The following RAD54L variants were observed in gnomAD, a reference collection of about 807,000 sequenced individuals.
RAD54L encodes the protein DNA repair and recombination protein RAD54-like.
A neutral mutation model predicts 91.6 loss-of-function variants in RAD54L; 74 were observed. That is an observed-to-expected ratio of 0.81 (90% CI 0.67 to 0.98). RAD54L has a LOEUF of 0.98. Among genes scored for constraint, RAD54L ranks in the 50% least tolerant of loss-of-function variants. The probability of loss-of-function intolerance (pLI) is 0.00; values close to 1 mark genes in which losing one functional copy is unlikely to be tolerated. For synonymous variants in RAD54L, 304 were observed against 349.7 expected (o/e 0.87, Z 1.46); for missense variants, 887 against 945.7 (o/e 0.94, Z 0.81).
chr1:46,250,372 A>T (rs1185038025), intron 3 of RAD54L, among the ~76,000 whole-genome samples: 1 of 152,214 alleles, frequency 6.6e-6, no homozygotes, highest in Non-Finnish European at 1.5e-5. Context: ...GGGTAAAGGA[A>T]CTAGGATCCT....
At position 46,256,867 on chromosome 1, in the gene RAD54L, G is replaced by A. The variant is rs750522753; in HGVS notation, c.211-1819G>A. 2.6e-4 allele frequency among the ~76,000 whole-genome samples: 40 copies of A among 151,954 alleles called. 1 individual carries two copies. The Middle Eastern group carries it at 0.034, about 129-fold the overall frequency. On this transcript the variant is annotated intron_variant, in intron 3 of 17. Coordinates refer to ENST00000371975, the MANE Select transcript of RAD54L (RefSeq NM_003579.4). ...TAAATTTAAAGTACATTTGAGGCCA[G>A]GTGTGATGGCTCATGCCTATAATCC...
chr1:46,272,671 G>A lies in RAD54L; in HGVS notation c.1245-1G>A, dbSNP rs759647251. On this transcript the variant is annotated splice_acceptor_variant, in intron 11 of 17. Coordinates refer to ENST00000371975, the MANE Select transcript of RAD54L (RefSeq NM_003579.4). LOFTEE classifies it high-confidence loss of function. ...TCCACTGACCCAGCTGCCTTTTTTA[G>A]GCTGACACCCCTTCAGACTGAGTTA... The A allele has an allele frequency of 1.9e-6, 3 of 1,614,002 alleles. No individual in the cohort carries two copies. Among genetic ancestry groups the A allele is most frequent in the African/African-American group, 1.3e-5 (1 of 74,904 alleles).
Position 46,260,536 on chromosome 1 carries a change from T to C in RAD54L, c.408-6T>C. The C allele has an allele frequency of 1.9e-6, 3 of 1,613,786 alleles. No individual in the cohort carries two copies. The highest frequency in any genetic ancestry group is 2.2e-5 in the East Asian group (1 of 44,884). ...GCACGCTGTTTTCTTTGCTGTGTTT[T>C]CTCAGGGAGAAACTCCCTGTCCATG... is the stretch of plus-strand genomic sequence containing the variant. On this transcript the variant is annotated splice_polypyrimidine_tract_variant and splice_region_variant and intron_variant, in intron 5 of 17. Transcript: ENST00000371975.
At chr1:46,248,793 A>C (rs1282140147) in intron 2 of RAD54L, among the ~76,000 whole-genome samples, 195 bp downstream of exon 2, 4 of 152,236 alleles carry the variant, frequency 2.6e-5, no homozygotes, top group Non-Finnish European at 5.9e-5. Context: ...AGTCACTAGA[A>C]GCTAATATAG....
At chr1:46,264,306 A>G (rs1168778021) in intron 8 of RAD54L, among the ~76,000 whole-genome samples, 2 of 152,208 alleles carry the variant, frequency 1.3e-5, no homozygotes, top group Non-Finnish European at 2.9e-5. Flanking sequence ...CCAGGGAAGG[A>G]GAGGGTTTGT....
chr1:46,272,584 C>G lies in RAD54L; in HGVS notation c.1244+44C>G, dbSNP rs1660465297. 3 of 1,610,428 alleles carry G rather than the reference C, an allele frequency of 1.9e-6. No homozygotes were observed. The South Asian group carries it at 3.3e-5, about 18-fold the overall frequency. Reference sequence around the variant, plus strand: ...AGATGTGGAGTGGGTCAAAGCCTAGCTCCTGAAGCATGGCTGGGCTCTCAA... The same window carrying G: ...AGATGTGGAGTGGGTCAAAGCCTAGGTCCTGAAGCATGGCTGGGCTCTCAA... On this transcript the variant is annotated intron_variant, in intron 11 of 17. Coordinates refer to ENST00000371975, the MANE Select transcript of RAD54L (RefSeq NM_003579.4).
intron 5 of RAD54L, 48 bp from the exon 6 acceptor site, chr1:46,260,494 C>G (rs200522718): frequency 4.3e-5 from 68 of 1,574,000 alleles, no homozygotes; most frequent in Non-Finnish European, 5.2e-5. Context: ...TGAGGGTGCT[C>G]CCTTGCCCAT....
At position 46,260,051 on chromosome 1, in the gene RAD54L, T is replaced by C. The variant is rs1210724853; in HGVS notation, c.359T>C (p.Leu120Pro). The change falls in exon 5 of 18, where the codon CTG becomes CCG. Residue 120 changes from leucine (L) to proline (P), a missense_variant. Physicochemically the swap from Leu to Pro is moderately conservative, Grantham distance 98. Transcript: ENST00000371975. ...CCCCTGGAAAAAGATGCCTTGGTTCTGTATGAGCCTCCCCCGCTGAGCGCT... is the reference window on the plus strand; with the variant it reads ...CCCCTGGAAAAAGATGCCTTGGTTCCGTATGAGCCTCCCCCGCTGAGCGCT... The part of the protein sequence containing the change: ...HDPLEKDALV[L>P]YEPPPLSAHD... 6.2e-7 allele frequency: 1 copy of C among 1,614,234 alleles called. No individual in the cohort carries two copies. Among genetic ancestry groups the C allele is most frequent in the Admixed American group, 1.7e-5 (1 of 60,030 alleles).
Position 46,250,064 on chromosome 1 carries a change from G to C in RAD54L, c.155G>C (p.Arg52Pro). 1.2e-6 allele frequency: 2 copies of C among 1,614,086 alleles called. No individual in the cohort carries two copies. Among genetic ancestry groups the C allele is most frequent in the Non-Finnish European group, 1.7e-6 (2 of 1,180,024 alleles). ...CAGGAGTGTTTCCTGTCTCCTTTTC[G>C]GAAACCTTTGAGTCAGCTAACCAAT... ...QIQECFLSPF[R>P]KPLSQLTNQP... The change falls in exon 3 of 18, where the codon CGG (arginine) becomes CCG (proline). Residue 52 changes from arginine (R) to proline (P), a missense_variant. Arg to Pro is a moderately radical substitution (Grantham distance 103). Transcript: ENST00000371975.
Position 46,260,810 on chromosome 1 carries a change from A to G in RAD54L, c.561A>G (p.Leu187=), listed in dbSNP as rs1333622995. The G allele has an allele frequency of 2.5e-6, 4 of 1,614,256 alleles. No homozygotes were observed. The South Asian group carries it at 4.4e-5, about 18-fold the overall frequency. ...HGCIMADEMG[L]GKTLQCITLM... is the part of the protein sequence containing the mutation. ...GCATCATGGCTGATGAGATGGGCCT[A>G]GGAAAGACGCTGCAGTGCATCACAT... Residue 187 remains leucine (L), a synonymous_variant, in exon 7 of 18, where the codon CTA becomes CTG. Transcript: ENST00000371975.
chr1:46,274,060 A>T (rs1008572933), intron 14 of RAD54L, 78 bp from the exon 15 acceptor site: 73 of 1,409,824 alleles, frequency 5.2e-5, no homozygotes, highest in Admixed American at 9.0e-5. Context: ...GGGTCTTTTT[A>T]AAAAAATTTT....
intron 3 of RAD54L, among the ~76,000 whole-genome samples, chr1:46,257,058 T>C (rs1659961424): frequency 1.3e-5 from 2 of 149,970 alleles, no homozygotes; most frequent in Admixed American, 1.3e-4. Flanking sequence ...GCAGGAGAAT[T>C]GCTTGAACCT....
chr1:46,273,405 G>A lies in RAD54L; in HGVS notation c.1426G>A (p.Gly476Ser). Residue 476 changes from glycine (G) to serine (S), a missense_variant, in exon 13 of 18, where the codon GGT becomes AGT. Coordinates refer to ENST00000371975, the MANE Select transcript of RAD54L (RefSeq NM_003579.4). ...KCVEEEDGFVGALDLFPPGYS... is the reference protein window; with the variant it reads ...KCVEEEDGFVSALDLFPPGYS... ...TGTGGAAGAGGAGGATGGCTTTGTG[G>A]GTGCCTTGGACCTCTTCCCTCCTGG... 1 of 1,614,062 alleles carries A rather than the reference G, an allele frequency of 6.2e-7. No homozygotes were observed. Among genetic ancestry groups the A allele is most frequent in the African/African-American group, 1.3e-5 (1 of 75,036 alleles).
intron 10 of RAD54L, among the ~76,000 whole-genome samples, chr1:46,272,025 C>CTTTTTTTT (rs1162693010): frequency 0.011 from 460 of 41,152 alleles, 104 homozygotes; most frequent in East Asian, 0.013. Flanking sequence ...GGTCTGATGA[C>CTTTTTTTT]TTTTTTTTTT....
chr1:46,256,166 C>T (rs1187639605), intron 3 of RAD54L, among the ~76,000 whole-genome samples: 2 of 151,348 alleles, frequency 1.3e-5, no homozygotes, highest in Admixed American at 6.6e-5. Context: ...CAGCCTTGAA[C>T]TCCTAGGCCA....
intron 9 of RAD54L, among the ~76,000 whole-genome samples, chr1:46,268,321 A>G (rs1449389201): frequency 6.6e-6 from 1 of 152,114 alleles, no homozygotes; most frequent in Non-Finnish European, 1.5e-5. Flanking sequence ...CTGTCTCTAA[A>G]ATAGTAATAA....
chr1:46,261,323 ACCTTCCG>A lies in RAD54L; in HGVS notation c.835_841del (p.Arg279MetfsTer35), dbSNP rs1186848269. 6.2e-7 allele frequency: 1 copy of A among 1,613,570 alleles called. No homozygotes were observed. Among genetic ancestry groups the A allele is most frequent in the Admixed American group, 1.7e-5 (1 of 59,958 alleles). ...TCCCATCCTCATCATTTCCTATGAG[ACCTTCCG>A]CCTTCATGTTGGAGTCCTCCAGAAA... is the stretch of plus-strand genomic sequence containing the variant. On this transcript the variant is annotated frameshift_variant, in exon 8 of 18. Transcript: ENST00000371975. LOFTEE classifies it high-confidence loss of function.
rs759810969 is a variant in RAD54L, at chr1:46,272,512, G to A, written c.1216G>A (p.Val406Met). Reference sequence around the variant, plus strand: ...TGATATCCTTTCTAAATATCTGCCTGTGAAGATTGAGCAGGTCGTTTGTTG... The same window carrying A: ...TGATATCCTTTCTAAATATCTGCCTATGAAGATTGAGCAGGTCGTTTGTTG... ...TSDILSKYLP[V>M]KIEQVVCCRL... The change falls in exon 11 of 18, where the codon GTG (valine) becomes ATG (methionine). Residue 406 changes from valine (V) to methionine (M), a missense_variant. Coordinates refer to ENST00000371975, the MANE Select transcript of RAD54L (RefSeq NM_003579.4). 7 of 1,612,844 alleles carry A rather than the reference G, an allele frequency of 4.3e-6. No homozygotes were observed. The highest frequency in any genetic ancestry group is 5.9e-6 in the Non-Finnish European group (7 of 1,178,816).
At chr1:46,258,166 C>T (rs1659994574) in intron 3 of RAD54L, among the ~76,000 whole-genome samples, 1 of 152,122 alleles carries the variant, frequency 6.6e-6, no homozygotes, top group African/African-American at 2.4e-5. Flanking sequence ...GTGTGAGCCA[C>T]CATGCCCGGC....
Sources: gnomAD v4.1 joint callset for allele counts (sites outside exome capture counted in the v4.1 genomes callset) on GRCh38, gnomAD v4.1.1 for gene constraint, MANE v1.5 for transcripts, NCBI Gene and HGNC (gene_info 2026-07-23, HGNC 2026-07-21) for gene names.